EEIG1: variants seen among roughly 807,000 people sequenced by gnomAD.
The protein encoded by EEIG1 is early estrogen-induced gene 1 protein.
At chr9:127,976,858 G>T in the EEIG1 span, among the ~76,000 whole-genome samples, 2 of 152,076 alleles carry the variant, frequency 1.3e-5, no homozygotes, top group Non-Finnish European at 2.9e-5. The surrounding 1 kb of genome is among the most constrained non-coding windows in gnomAD (Gnocchi z 4.1). Flanking sequence ...CTGGGGGTGG[G>T]GGAAATATGC....
the EEIG1 span, among the ~76,000 whole-genome samples, chr9:127,961,113 C>T: frequency 7.9e-5 from 12 of 152,340 alleles, no homozygotes; most frequent in South Asian, 2.1e-4. Flanking sequence ...AGAAATGCTG[C>T]GTAACTCATC....
At chr9:127,980,150 T>C in the EEIG1 span, 7 of 1,609,852 alleles carry the variant, frequency 4.3e-6, no homozygotes, top group East Asian at 6.7e-5. Flanking sequence ...GCGAGTTCCC[T>C]GAGTCTGAAG....
At chr9:127,949,837 G>A in the EEIG1 span, among the ~76,000 whole-genome samples, 1,261 of 152,338 alleles carry the variant, frequency 8.3e-3, 16 homozygotes, top group African/African-American at 0.029. Flanking sequence ...GTTCCCAAAA[G>A]GCCAACGAGG....
the EEIG1 span, chr9:127,979,963 G>C: frequency 2.2e-5 from 35 of 1,598,486 alleles, no homozygotes; most frequent in Non-Finnish European, 3.0e-5. Context: ...CACCCCCGCT[G>C]CTGCAGGCGC....
the EEIG1 span, chr9:127,953,547 C>T: frequency 1.9e-6 from 3 of 1,611,776 alleles, no homozygotes; most frequent in Non-Finnish European, 2.5e-6. Context: ...CATTCCATCC[C>T]ACTGCCCCTT....
the EEIG1 span, among the ~76,000 whole-genome samples, chr9:127,971,333 G>C: frequency 1.3e-5 from 2 of 152,090 alleles, no homozygotes; most frequent in Non-Finnish European, 2.9e-5. Flanking sequence ...GCCGTGCTTG[G>C]AGTCAGGCCC....
chr9:127,954,044 ACT>A, the EEIG1 span: 1 of 1,164,786 alleles, frequency 8.6e-7, no homozygotes, highest in Non-Finnish European at 1.2e-6. Context: ...CTCCACTTTC[ACT>A]CTGTGTCACA....
At chr9:127,953,821 C>T in the EEIG1 span, 5 of 1,613,866 alleles carry the variant, frequency 3.1e-6, no homozygotes, top group Admixed American at 1.7e-5. Flanking sequence ...CACAGACACA[C>T]GGAAGACACA....
At chr9:127,953,881 G>A in the EEIG1 span, 1 of 1,613,970 alleles carries the variant, frequency 6.2e-7, no homozygotes, top group South Asian at 1.1e-5. Flanking sequence ...ACACACGAAG[G>A]TGAACCTCTT....
chr9:127,952,906 G>A, the EEIG1 span, among the ~76,000 whole-genome samples: 11 of 152,152 alleles, frequency 7.2e-5, no homozygotes, highest in African/African-American at 2.7e-4. Flanking sequence ...TAGTAGAGAC[G>A]GGGTTTTGTC....
chr9:127,946,964 G>C, the EEIG1 span, among the ~76,000 whole-genome samples: 3 of 152,086 alleles, frequency 2.0e-5, no homozygotes, highest in Admixed American at 2.0e-4. Flanking sequence ...GCCCTGCTTA[G>C]GGTTGAGGGG....
chr9:127,948,560 C>T, the EEIG1 span: 4 of 770,768 alleles, frequency 5.2e-6, no homozygotes, highest in Non-Finnish European at 8.6e-6. Context: ...GGGGCTCTGG[C>T]AAAGCCACTA....
At chr9:127,958,028 C>T in the EEIG1 span, among the ~76,000 whole-genome samples, 14 of 152,132 alleles carry the variant, frequency 9.2e-5, no homozygotes, top group Non-Finnish European at 1.5e-4. Flanking sequence ...AAGAAACCAA[C>T]CTTCACTTTT....
the EEIG1 span, among the ~76,000 whole-genome samples, chr9:127,954,743 T>C: frequency 6.6e-6 from 1 of 152,152 alleles, no homozygotes; most frequent in Non-Finnish European, 1.5e-5. Context: ...CCCAAGCAGT[T>C]GGACTCTGGG....
At chr9:127,960,989 ACC>A in the EEIG1 span, among the ~76,000 whole-genome samples, 1 of 58,172 alleles carries the variant, frequency 1.7e-5, no homozygotes, top group Non-Finnish European at 6.4e-5. Context: ...TAAAAAAAAA[ACC>A]ACAGCAGCAG....
the EEIG1 span, chr9:127,945,402 T>C: frequency 3.2e-6 from 5 of 1,584,132 alleles, no homozygotes; most frequent in South Asian, 1.1e-5. This position sits in a 1 kb window ranked among gnomAD's most constrained non-coding sequence, Gnocchi z 6.5. Context: ...GGGGCCGGGG[T>C]GGCCGCGGCG....
the EEIG1 span, among the ~76,000 whole-genome samples, chr9:127,965,447 C>T: frequency 5.9e-5 from 9 of 152,330 alleles, no homozygotes; most frequent in South Asian, 8.3e-4. Context: ...GAGACAGTAG[C>T]GCTCTGACAG....
the EEIG1 span, chr9:127,943,329 A>C: frequency 7.8e-7 from 1 of 1,289,078 alleles, no homozygotes. Context: ...TTTCACAAGC[A>C]GGTACTGTTA....
the EEIG1 span, among the ~76,000 whole-genome samples, chr9:127,971,045 C>T: frequency 6.6e-6 from 1 of 152,186 alleles, no homozygotes; most frequent in African/African-American, 2.4e-5. Context: ...GAGCAGGGAG[C>T]CACAGGTATG....
Sources: allele counts gnomAD v4.1 joint callset (sites outside exome capture counted in the v4.1 genomes callset), GRCh38; gene constraint gnomAD v4.1.1; non-coding constraint Gnocchi (gnomAD v3.1); transcripts MANE v1.5; gene names NCBI Gene and HGNC (gene_info 2026-07-23, HGNC 2026-07-21).